MMP16: variants seen among roughly 807,000 people sequenced by gnomAD.
MMP16 encodes matrix metalloproteinase-16.
Under a neutral mutation model 67.8 loss-of-function variants are expected in MMP16, and 12 were observed. The ratio of observed to expected loss-of-function variants is 0.18; its 90% CI spans 0.11 to 0.29. The LOEUF is 0.29. Among genes scored for constraint, MMP16 ranks in the 10% least tolerant of loss-of-function variants. The pLI is 1.00. For synonymous variants in MMP16, 249 were observed against 255.9 expected, an observed-to-expected ratio of 0.97 and a Z score of 0.26; for missense variants, 475 against 765.7, an observed-to-expected ratio of 0.62 and a Z score of 4.48.
At chr8:88,080,950 C>CCGT (rs1335447867) in intron 6 of MMP16, among the ~76,000 whole-genome samples, 1 of 152,108 alleles carries the variant, frequency 6.6e-6, no homozygotes, top group African/African-American at 2.4e-5. Context: ...GTTTTCCATT[C>CCGT]CGTGGTAGGC....
At chr8:88,262,728 T>C (rs977890811) in intron 1 of MMP16, among the ~76,000 whole-genome samples, 3 of 151,340 alleles carry the variant, frequency 2.0e-5, no homozygotes, top group African/African-American at 7.3e-5. Flanking sequence ...TCAGGCTGGG[T>C]GCGGTGGCTC....
chr8:88,069,820 G>A (rs952594244), intron 7 of MMP16, among the ~76,000 whole-genome samples: 1 of 152,018 alleles, frequency 6.6e-6, no homozygotes, highest in African/African-American at 2.4e-5. Context: ...TAAGCATAAG[G>A]CAGGCTAATA....
At chr8:88,209,439 G>A (rs916508063) in intron 1 of MMP16, among the ~76,000 whole-genome samples, 21 of 152,110 alleles carry the variant, frequency 1.4e-4, no homozygotes, top group African/African-American at 4.8e-4. Context: ...CCTATAACAT[G>A]CAAATATGGG....
intron 3 of MMP16, among the ~76,000 whole-genome samples, chr8:88,169,414 TA>T (rs1808765049): frequency 6.6e-6 from 1 of 152,176 alleles, no homozygotes; most frequent in African/African-American, 2.4e-5. Context: ...TGGGTATTTA[TA>T]CCTATTTTAC....
At chr8:88,308,864 A>G (rs80113310) in intron 1 of MMP16, among the ~76,000 whole-genome samples, 4 of 152,102 alleles carry the variant, frequency 2.6e-5, no homozygotes, top group Admixed American at 1.3e-4. Flanking sequence ...CATATAATCA[A>G]TAAAAAGAGA....
At chr8:88,069,148 G>A (rs1469132494) in intron 7 of MMP16, 4 of 232,634 alleles carry the variant, frequency 1.7e-5, no homozygotes, top group African/African-American at 9.5e-5. Context: ...ACATAAATCT[G>A]GTGATAAATG....
chr8:88,264,378 T>G (rs1057005068), intron 1 of MMP16, among the ~76,000 whole-genome samples: 1 of 152,072 alleles, frequency 6.6e-6, no homozygotes, highest in Non-Finnish European at 1.5e-5. Context: ...TTTTAAAAAT[T>G]TTTTTAGAGA....
intron 9 of MMP16, among the ~76,000 whole-genome samples, chr8:88,044,027 C>T (rs938326231): frequency 6.6e-6 from 1 of 152,180 alleles, no homozygotes; most frequent in African/African-American, 2.4e-5. Flanking sequence ...TATAGAGCTA[C>T]TAAGCATTAC....
chr8:88,082,578 G>A (rs1808770202), intron 6 of MMP16, among the ~76,000 whole-genome samples: 1 of 151,794 alleles, frequency 6.6e-6, no homozygotes, highest in African/African-American at 2.4e-5. Context: ...AAAGAGGATG[G>A]GAAAATTTAT....
intron 1 of MMP16, among the ~76,000 whole-genome samples, chr8:88,213,800 A>G (rs16879913): frequency 0.17 from 25,267 of 152,146 alleles, 2,245 homozygotes; most frequent in South Asian, 0.2. Flanking sequence ...AATAGTAAAA[A>G]TTAACCATAA....
chr8:88,124,554 A>C (rs1360804622), intron 4 of MMP16, among the ~76,000 whole-genome samples: 1 of 151,972 alleles, frequency 6.6e-6, no homozygotes, highest in Non-Finnish European at 1.5e-5. Flanking sequence ...TCAAGGCTCT[A>C]CTGAGCATCC....
chr8:88,312,138 G>A (rs941647645), intron 1 of MMP16, among the ~76,000 whole-genome samples: 7 of 152,120 alleles, frequency 4.6e-5, no homozygotes, highest in African/African-American at 9.7e-5. Flanking sequence ...ATAAGCAGAC[G>A]ATGGGAATAC....
At chr8:88,160,236 C>T (rs1405757199) in intron 4 of MMP16, among the ~76,000 whole-genome samples, 1 of 151,750 alleles carries the variant, frequency 6.6e-6, no homozygotes, top group East Asian at 1.9e-4. Context: ...GTTTTTTGTC[C>T]TTGCGATAGT....
At chr8:88,068,006 G>C (rs1159976891) in intron 7 of MMP16, among the ~76,000 whole-genome samples, 2 of 152,074 alleles carry the variant, frequency 1.3e-5, no homozygotes, top group African/African-American at 2.4e-5. Flanking sequence ...GTTTTCCAGA[G>C]TATACAATTT....
intron 3 of MMP16, among the ~76,000 whole-genome samples, chr8:88,169,835 C>T (rs891976356): frequency 2.0e-5 from 3 of 152,092 alleles, no homozygotes; most frequent in East Asian, 1.9e-4. Flanking sequence ...GGTAGGTCCC[C>T]GAAGGCCACT....
At chr8:88,249,187 G>C (rs1586225726) in intron 1 of MMP16, among the ~76,000 whole-genome samples, 2 of 151,902 alleles carry the variant, frequency 1.3e-5, no homozygotes, top group African/African-American at 4.8e-5. Context: ...AGCATGCCTG[G>C]TGGGGGTAGT....
At chr8:88,185,957 A>G (rs916855704) in intron 3 of MMP16, among the ~76,000 whole-genome samples, 1 of 152,206 alleles carries the variant, frequency 6.6e-6, no homozygotes, top group African/African-American at 2.4e-5. Context: ...CAGTTGTTCA[A>G]TTACAAAATA....
intron 1 of MMP16, among the ~76,000 whole-genome samples, chr8:88,202,952 T>A (rs1448687554): frequency 6.9e-6 from 1 of 144,378 alleles, no homozygotes; most frequent in Non-Finnish European, 1.6e-5. Flanking sequence ...GTCTGTCATG[T>A]GAGTCACAGA....
chr8:88,139,277 T>G (rs1286987503), intron 4 of MMP16, among the ~76,000 whole-genome samples: 2 of 152,130 alleles, frequency 1.3e-5, no homozygotes, highest in African/African-American at 2.4e-5. Context: ...TTTAGGGTCC[T>G]TAAAATTTCA....
Sources: gnomAD v4.1 joint callset for allele counts (sites outside exome capture counted in the v4.1 genomes callset) on GRCh38, gnomAD v4.1.1 for gene constraint, MANE v1.5 for transcripts, NCBI Gene and HGNC (gene_info 2026-07-23, HGNC 2026-07-21) for gene names.